ZNF804A: variants seen among roughly 807,000 people sequenced by gnomAD.
ZNF804A encodes the protein zinc finger protein 804A.
Under a neutral mutation model 16.5 loss-of-function variants are expected in ZNF804A, and 2 were observed. The observed-to-expected ratio is 0.12, with a 90% CI of 0.05 to 0.38. ZNF804A has a LOEUF of 0.38. ZNF804A is among the 10% of genes least tolerant of loss of function. The pLI, the probability that ZNF804A is intolerant of heterozygous loss-of-function variation, is 0.99. For missense variants in ZNF804A, 1,473 were observed against 1,390.7 expected (o/e 1.06, Z -0.94); for synonymous variants, 534 against 489.6 (o/e 1.09, Z -1.20).
chr2:184,615,681 A>G (rs1202673838), intron 1 of ZNF804A, among the ~76,000 whole-genome samples: 2 of 152,104 alleles, frequency 1.3e-5, no homozygotes, highest in African/African-American at 4.8e-5. Flanking sequence ...TTTTTTAACA[A>G]TCTCAAGCCC....
intron 1 of ZNF804A, among the ~76,000 whole-genome samples, chr2:184,800,238 T>G (rs1694702997): frequency 6.6e-6 from 1 of 152,028 alleles, no homozygotes; most frequent in South Asian, 2.1e-4. Flanking sequence ...GATTTTCATG[T>G]TCTTATTTTC....
chr2:184,642,537 A>G (rs1691809784), intron 1 of ZNF804A, among the ~76,000 whole-genome samples: 1 of 152,190 alleles, frequency 6.6e-6, no homozygotes, highest in African/African-American at 2.4e-5. Context: ...TCGGGATATA[A>G]GAGGAAAAAG....
intron 2 of ZNF804A, among the ~76,000 whole-genome samples, chr2:184,889,046 G>A (rs1325558501): frequency 4.0e-5 from 6 of 151,574 alleles, no homozygotes; most frequent in Non-Finnish European, 8.8e-5. Flanking sequence ...ACATCATTTT[G>A]CCCTCCACAT....
At chr2:184,615,874 A>C (rs1691311818) in intron 1 of ZNF804A, among the ~76,000 whole-genome samples, 1 of 152,118 alleles carries the variant, frequency 6.6e-6, no homozygotes, top group South Asian at 2.1e-4. Flanking sequence ...GCGAGTCTTC[A>C]GTCACCACAC....
intron 1 of ZNF804A, among the ~76,000 whole-genome samples, chr2:184,753,516 G>T (rs1693908181): frequency 6.6e-6 from 1 of 151,616 alleles, no homozygotes; most frequent in South Asian, 2.1e-4. Flanking sequence ...TAATGCTCTG[G>T]GCCTAGAATT....
chr2:184,914,342 G>A (rs988811682), intron 2 of ZNF804A, among the ~76,000 whole-genome samples: 6 of 152,194 alleles, frequency 3.9e-5, no homozygotes, highest in Admixed American at 2.0e-4. Context: ...TGGCTTAGAA[G>A]CCCCTCAAGA....
At chr2:184,661,526 C>T (rs1692176189) in intron 1 of ZNF804A, among the ~76,000 whole-genome samples, 1 of 152,192 alleles carries the variant, frequency 6.6e-6, no homozygotes, top group Non-Finnish European at 1.5e-5. Context: ...GGGTAGCCAT[C>T]CACGAAGCTG....
At chr2:184,719,348 A>G (rs1693267985) in intron 1 of ZNF804A, among the ~76,000 whole-genome samples, 1 of 152,050 alleles carries the variant, frequency 6.6e-6, no homozygotes, top group African/African-American at 2.4e-5. Flanking sequence ...GGTCTCTGAC[A>G]TGCCCTGGAG....
At chr2:184,834,461 A>C (rs546588322) in intron 1 of ZNF804A, among the ~76,000 whole-genome samples, 4 of 152,174 alleles carry the variant, frequency 2.6e-5, no homozygotes, top group African/African-American at 9.6e-5. Context: ...TTTGTTTTCT[A>C]CCAGAATGCC....
Position 184,823,133 on chromosome 2 carries a change from A to C in ZNF804A, c.112-43236A>C, listed in dbSNP as rs539300458. Among the ~76,000 whole-genome samples, 6 of 152,208 alleles carry C rather than the reference A, an allele frequency of 3.9e-5. No homozygotes were observed. The South Asian group carries it at 1.2e-3, about 32-fold the overall frequency. On this transcript the variant is annotated intron_variant, in intron 1 of 3. Transcript: ENST00000302277. Reference sequence around the variant, plus strand: ...CTCTAGCAGGTTTGGTATTTGGTGAAGGCCTGGTCTCTTTCCAAGATGGCA... The same window carrying C: ...CTCTAGCAGGTTTGGTATTTGGTGACGGCCTGGTCTCTTTCCAAGATGGCA...
At chr2:184,902,147 A>C (rs1222615605) in intron 2 of ZNF804A, 1 of 156,014 alleles carries the variant, frequency 6.4e-6, no homozygotes, top group Non-Finnish European at 1.4e-5. Context: ...CCAAACAATC[A>C]TTGTCAGGAG....
At chr2:184,812,110 T>G (rs1167049069) in intron 1 of ZNF804A, among the ~76,000 whole-genome samples, 1 of 152,236 alleles carries the variant, frequency 6.6e-6, no homozygotes, top group Non-Finnish European at 1.5e-5. Context: ...TTTAATTATA[T>G]ATTTAGGAAA....
At chr2:184,753,954 G>A (rs1246243292) in intron 1 of ZNF804A, among the ~76,000 whole-genome samples, 1 of 151,814 alleles carries the variant, frequency 6.6e-6, no homozygotes, top group Non-Finnish European at 1.5e-5. Flanking sequence ...GTATAAACAT[G>A]TTCCAAATAT....
intron 2 of ZNF804A, among the ~76,000 whole-genome samples, chr2:184,899,475 G>A (rs1429042026): frequency 6.6e-6 from 1 of 151,826 alleles, no homozygotes. Context: ...CTTTTTCATG[G>A]GTGTTCAAAT....
chr2:184,636,262 A>C (rs576254873), intron 1 of ZNF804A, among the ~76,000 whole-genome samples: 1 of 152,096 alleles, frequency 6.6e-6, no homozygotes, highest in East Asian at 1.9e-4. Flanking sequence ...CAGAACTAAT[A>C]CTATGCCACT....
At chr2:184,830,265 T>C (rs147413454) in intron 1 of ZNF804A, among the ~76,000 whole-genome samples, 27 of 152,338 alleles carry the variant, frequency 1.8e-4, no homozygotes, top group Non-Finnish European at 3.8e-4. Context: ...AAAATGCTAA[T>C]AAATTTGTGT....
At chr2:184,675,728 C>A (rs1302129013) in intron 1 of ZNF804A, among the ~76,000 whole-genome samples, 2 of 151,706 alleles carry the variant, frequency 1.3e-5, no homozygotes, top group East Asian at 1.9e-4. Context: ...GGTCTCATAG[C>A]TAGTAAGTGA....
intron 1 of ZNF804A, among the ~76,000 whole-genome samples, chr2:184,843,032 G>T (rs955168966): frequency 2.6e-5 from 4 of 152,082 alleles, no homozygotes; most frequent in East Asian, 1.9e-4. Flanking sequence ...GGTTAGTTCA[G>T]TCAGAATAGC....
At chr2:184,615,241 A>G (rs1364836346) in intron 1 of ZNF804A, among the ~76,000 whole-genome samples, 1 of 152,224 alleles carries the variant, frequency 6.6e-6, no homozygotes, top group Non-Finnish European at 1.5e-5. Context: ...TTGCAGGGAT[A>G]TGGATGAAGC....
Sources: allele counts gnomAD v4.1 joint callset (sites outside exome capture counted in the v4.1 genomes callset), GRCh38; gene constraint gnomAD v4.1.1; transcripts MANE v1.5; gene names NCBI Gene and HGNC (gene_info 2026-07-23, HGNC 2026-07-21).